Variants in MTHFD1L observed in about 807,000 individuals in gnomAD.
MTHFD1L encodes methylenetetrahydrofolate dehydrogenase (NADP+ dependent) 1 like, also known as monofunctional C1-tetrahydrofolate synthase, mitochondrial.
A neutral mutation model predicts 119.5 loss-of-function variants in MTHFD1L; 81 were observed. The observed-to-expected ratio is 0.68, with a 90% CI of 0.57 to 0.82. The LOEUF is 0.82. Ranked by LOEUF, MTHFD1L falls within the 40% of genes least tolerant of loss-of-function variation. The probability of loss-of-function intolerance (pLI) is 0.00; values close to 1 mark genes in which losing one functional copy is unlikely to be tolerated. For missense variants in MTHFD1L, 1,125 were observed against 1,253.4 expected, an observed-to-expected ratio of 0.90 and a Z score of 1.55; for synonymous variants, 430 against 475.2, an observed-to-expected ratio of 0.90 and a Z score of 1.24.
chr6:150,939,691 T>TTTTTTTTTG, intron 13 of MTHFD1L, among the ~76,000 whole-genome samples: 1 of 148,044 alleles, frequency 6.8e-6, no homozygotes, highest in Non-Finnish European at 1.5e-5. Context: ...CTCTTTTTTT[T>TTTTTTTTTG]TTTTTTTTTT....
In MTHFD1L at chr6:151,084,312, C is replaced by A. The variant is rs115913380; in HGVS notation, c.2848-8155C>A. ...ATGGGTCAGCAAGCCTGAGAATGACCGTGGAGAGAAATGGCTGGGGCTGCA... is the reference window on the plus strand; with the variant it reads ...ATGGGTCAGCAAGCCTGAGAATGACAGTGGAGAGAAATGGCTGGGGCTGCA... On this transcript the variant is annotated intron_variant, in intron 26 of 27. Coordinates refer to ENST00000367321, the MANE Select transcript of MTHFD1L (RefSeq NM_015440.5). 8.2e-3 allele frequency among the ~76,000 whole-genome samples: 1,244 copies of A among 152,288 alleles called. 20 individuals carry two copies. The highest frequency in any genetic ancestry group is 0.028 in the African/African-American group (1,153 of 41,544).
chr6:150,947,612 T>G (rs1457794161), intron 15 of MTHFD1L, among the ~76,000 whole-genome samples: 1 of 152,046 alleles, frequency 6.6e-6, no homozygotes, highest in Non-Finnish European at 1.5e-5. Context: ...TTTTAATTTT[T>G]TTTTTTCTCC....
intron 20 of MTHFD1L, among the ~76,000 whole-genome samples, chr6:150,989,445 T>C (rs117479373): frequency 0.014 from 2,104 of 152,248 alleles, 21 homozygotes; most frequent in South Asian, 0.035. Flanking sequence ...AAATTATAAA[T>C]ATTGGAAAGG....
Position 150,908,377 on chromosome 6 carries a change from C to T in MTHFD1L, c.892+2616C>T, listed in dbSNP as rs887955038. ...GTGGCTCACGCCTGTAATCCTAACA[C>T]TTTGGGAGGCCGAGGCAGGTGGATC... On this transcript the variant is annotated intron_variant, in intron 8 of 27. Coordinates refer to ENST00000367321, the MANE Select transcript of MTHFD1L (RefSeq NM_015440.5). Among the ~76,000 whole-genome samples the T allele has an allele frequency of 4.0e-5, 6 of 151,690 alleles. No individual in the cohort carries two copies. In the East Asian group the frequency reaches 7.9e-4, roughly 20 times the overall value.
At chr6:150,866,137 G>C (rs1263355657) in intron 1 of MTHFD1L, 88 bp downstream of exon 1, 1 of 1,419,034 alleles carries the variant, frequency 7.0e-7, no homozygotes, top group South Asian at 1.4e-5. Flanking sequence ...CGTGGGGAGC[G>C]GGGCGCGGGG....
At chr6:150,994,997 A>G (rs907419233) in intron 20 of MTHFD1L, among the ~76,000 whole-genome samples, 3 of 152,150 alleles carry the variant, frequency 2.0e-5, no homozygotes, top group African/African-American at 7.2e-5. Context: ...TAATAATTAA[A>G]TGTTTATATA....
chr6:150,912,738 T>G (rs762612382), intron 8 of MTHFD1L: 3 of 504,340 alleles, frequency 5.9e-6, no homozygotes, highest in Non-Finnish European at 8.2e-6. Context: ...GGAGAAATCA[T>G]GAGTTAGATG....
chr6:151,077,348 A>G (rs1792626278), intron 26 of MTHFD1L, among the ~76,000 whole-genome samples: 1 of 152,244 alleles, frequency 6.6e-6, no homozygotes, highest in Non-Finnish European at 1.5e-5. Flanking sequence ...CAGACTTTTC[A>G]ACGGTAATAC....
chr6:150,964,325 G>A (rs1374719940), intron 18 of MTHFD1L, among the ~76,000 whole-genome samples: 2 of 152,154 alleles, frequency 1.3e-5, no homozygotes, highest in Non-Finnish European at 2.9e-5. Context: ...GACTTAGAAG[G>A]AACTCAACCC....
At chr6:150,945,221 C>T (rs965171974) in intron 14 of MTHFD1L, among the ~76,000 whole-genome samples, 5 of 152,134 alleles carry the variant, frequency 3.3e-5, no homozygotes, top group East Asian at 3.8e-4. Context: ...GTAGTTGTAG[C>T]GATATAGATC....
In MTHFD1L at chr6:150,911,162, A is replaced by G. The variant is rs113161751; in HGVS notation, c.892+5401A>G. ...ATGTATTTAATATTTTGCTTTTTTTAAAAAAAGTAAAGGTTCATGTCATTT... is the reference window on the plus strand; with the variant it reads ...ATGTATTTAATATTTTGCTTTTTTTGAAAAAAGTAAAGGTTCATGTCATTT... On this transcript the variant is annotated intron_variant, in intron 8 of 27. Coordinates refer to ENST00000367321, the MANE Select transcript of MTHFD1L (RefSeq NM_015440.5). Among the ~76,000 whole-genome samples the G allele has an allele frequency of 9.7e-3, 1,472 of 152,178 alleles. 10 individuals are homozygous for G. The highest frequency in any genetic ancestry group is 0.014 in the Non-Finnish European group (968 of 67,988).
chr6:150,994,064 T>TAAAAAAAAAAAAAAAA (rs746589557), intron 20 of MTHFD1L, among the ~76,000 whole-genome samples: 4 of 74,172 alleles, frequency 5.4e-5, no homozygotes, highest in African/African-American at 7.6e-5. Context: ...ACAACAACAG[T>TAAAAAAAAAAAAAAAA]AAAAAAAAAA....
chr6:151,033,607 C>T (rs1027406100), intron 24 of MTHFD1L, among the ~76,000 whole-genome samples: 14 of 152,146 alleles, frequency 9.2e-5, no homozygotes, highest in African/African-American at 3.4e-4. Flanking sequence ...AAATCTTCTC[C>T]TCCAACACAC....
At chr6:150,889,092 G>A (rs568848027) in intron 7 of MTHFD1L, among the ~76,000 whole-genome samples, 21 of 152,146 alleles carry the variant, frequency 1.4e-4, no homozygotes, top group Non-Finnish European at 3.1e-4. Context: ...CAGGAGAATC[G>A]CTTGAACCCG....
intron 20 of MTHFD1L, among the ~76,000 whole-genome samples, chr6:151,003,660 A>G (rs1044752152): frequency 3.3e-5 from 5 of 152,238 alleles, no homozygotes; most frequent in Admixed American, 1.3e-4. Flanking sequence ...ACACTGGCAC[A>G]CAGATGATTG....
chr6:151,100,186 A>T (rs1266067709), intron 27 of MTHFD1L, among the ~76,000 whole-genome samples: 3 of 152,064 alleles, frequency 2.0e-5, no homozygotes, highest in South Asian at 4.2e-4. Context: ...GGCACCTGCC[A>T]CCACGCCCAG....
Position 151,060,384 on chromosome 6 carries a change from G to T in MTHFD1L, c.2847+23267G>T, listed in dbSNP as rs571051908. ...TTTATTGAGGAGTGCTGGGTACTAG[G>T]CCATTAGAAGAACAAACAACAACAA... On this transcript the variant is annotated intron_variant, in intron 26 of 27. Coordinates refer to ENST00000367321, the MANE Select transcript of MTHFD1L (RefSeq NM_015440.5). Among the ~76,000 whole-genome samples the T allele has an allele frequency of 2.0e-5, 3 of 152,322 alleles. No individual in the cohort carries two copies. In the East Asian group the frequency reaches 5.8e-4, roughly 29 times the overall value.
chr6:150,899,614 G>C (rs1285263015), intron 7 of MTHFD1L, among the ~76,000 whole-genome samples: 1 of 152,144 alleles, frequency 6.6e-6, no homozygotes, highest in African/African-American at 2.4e-5. Flanking sequence ...TAGCTACAAA[G>C]CAATACTCTT....
chr6:151,016,071 C>T (rs750053851), intron 24 of MTHFD1L, among the ~76,000 whole-genome samples: 20 of 152,082 alleles, frequency 1.3e-4, no homozygotes, highest in African/African-American at 4.3e-4. Context: ...CCAGCCTGGG[C>T]GACAGAGTGA....
Sources: gnomAD v4.1 joint callset for allele counts (sites outside exome capture counted in the v4.1 genomes callset) on GRCh38, gnomAD v4.1.1 for gene constraint, MANE v1.5 for transcripts, NCBI Gene and HGNC (gene_info 2026-07-23, HGNC 2026-07-21) for gene names.